The following TMC1 variants were observed in gnomAD, a reference collection of about 807,000 sequenced individuals.
The protein encoded by TMC1 is transmembrane channel-like protein 1.
Under a neutral mutation model 105.8 loss-of-function variants are expected in TMC1, and 84 were observed. The observed-to-expected ratio is 0.79, with a 90% CI of 0.67 to 0.95. TMC1 has a LOEUF of 0.95. TMC1 is among the 40% of genes least tolerant of loss of function. The pLI, the probability that TMC1 is intolerant of heterozygous loss-of-function variation, is 0.00. For synonymous variants in TMC1, 315 were observed against 311.5 expected (o/e 1.01, Z -0.12); for missense variants, 817 against 914.1 (o/e 0.89, Z 1.37).
At chr9:72,823,748 A>T (rs937548901) in intron 20 of TMC1, among the ~76,000 whole-genome samples, 40 of 152,188 alleles carry the variant, frequency 2.6e-4, no homozygotes, top group Non-Finnish European at 1.6e-4. Flanking sequence ...AATTCTGAAC[A>T]ATTTATAGTT....
At chr9:72,676,596 G>A (rs917517497) in intron 5 of TMC1, among the ~76,000 whole-genome samples, 1 of 152,118 alleles carries the variant, frequency 6.6e-6, no homozygotes, top group South Asian at 2.1e-4. Flanking sequence ...CTGTAGCAGA[G>A]CCAAAACTCA....
intron 5 of TMC1, 118 bp downstream of exon 5, chr9:72,648,782 C>A: frequency 1.1e-6 from 1 of 896,108 alleles, no homozygotes; most frequent in South Asian, 1.4e-5. Flanking sequence ...GGGGCTTTCC[C>A]TTTTTCATTT....
rs531867657 is a variant in TMC1 at position 72,598,040 on chromosome 9, G to T, written c.-305-18328G>T. 1.1e-4 allele frequency among the ~76,000 whole-genome samples: 17 copies of T among 151,136 alleles called. No individual in the cohort carries two copies. In the South Asian group the frequency reaches 3.1e-3, roughly 28 times the overall value. On this transcript the variant is annotated intron_variant, in intron 2 of 23. Transcript: ENST00000297784. ...TCTTCACTGCACATTTGATAACACA[G>T]ATGGGGGTTTATATCCTAGCAGAGC...
At chr9:72,627,571 A>G (rs915116833) in intron 3 of TMC1, among the ~76,000 whole-genome samples, 1 of 152,182 alleles carries the variant, frequency 6.6e-6, no homozygotes, top group Admixed American at 6.5e-5. Flanking sequence ...GGAGGCAAGC[A>G]TTATGACAAG....
chr9:72,535,075 G>A (rs1250064185), intron 1 of TMC1, among the ~76,000 whole-genome samples: 5 of 151,974 alleles, frequency 3.3e-5, no homozygotes, highest in Non-Finnish European at 1.5e-5. Flanking sequence ...AGCTAGTTGG[G>A]TGTGTTACAG....
chr9:72,663,855 C>T (rs1207562643), intron 5 of TMC1, among the ~76,000 whole-genome samples: 1 of 152,082 alleles, frequency 6.6e-6, no homozygotes, highest in Non-Finnish European at 1.5e-5. Context: ...TCTTTATATA[C>T]TTATTCTATA....
At chr9:72,748,209 CT>C (rs1237259325) in intron 10 of TMC1, among the ~76,000 whole-genome samples, 2 of 152,100 alleles carry the variant, frequency 1.3e-5, no homozygotes, top group Non-Finnish European at 2.9e-5. Flanking sequence ...GCCTGGCTTC[CT>C]TGTTTACTAG....
At chr9:72,599,498 A>G (rs1824771509) in intron 2 of TMC1, among the ~76,000 whole-genome samples, 1 of 152,220 alleles carries the variant, frequency 6.6e-6, no homozygotes, top group Non-Finnish European at 1.5e-5. Flanking sequence ...TTTCTAAGAA[A>G]AGGCCTGGGG....
intron 18 of TMC1, among the ~76,000 whole-genome samples, chr9:72,807,209 T>C (rs1014533847): frequency 6.6e-6 from 1 of 152,062 alleles, no homozygotes; most frequent in East Asian, 1.9e-4. Context: ...AGCAGTACAG[T>C]CCAGCTTCGG....
chr9:72,532,130 C>T (rs931407725), intron 1 of TMC1, among the ~76,000 whole-genome samples: 14 of 151,952 alleles, frequency 9.2e-5, no homozygotes, highest in African/African-American at 3.4e-4. Flanking sequence ...GGAGTTTCAC[C>T]ATGTTGGCCA....
intron 4 of TMC1, among the ~76,000 whole-genome samples, chr9:72,642,059 C>T (rs1403966906): frequency 2.0e-5 from 3 of 151,894 alleles, no homozygotes; most frequent in East Asian, 1.9e-4. Context: ...CCTCATGATC[C>T]GCCTGCCTTG....
At chr9:72,714,521 C>A (rs1265214485) in intron 8 of TMC1, among the ~76,000 whole-genome samples, 1 of 151,988 alleles carries the variant, frequency 6.6e-6, no homozygotes, top group Non-Finnish European at 1.5e-5. Flanking sequence ...TTATGTAATG[C>A]TCTTCTTTGT....
chr9:72,835,915 G>GTT (rs754537281), intron 23 of TMC1, 36 bp from the exon 24 acceptor site: 37,543 of 1,294,294 alleles, frequency 0.029, 352 homozygotes, highest in South Asian at 0.043. Context: ...CTCTCTCCTT[G>GTT]TTTTTTTTTT....
At chr9:72,752,542 G>C (rs189413942) in intron 11 of TMC1, among the ~76,000 whole-genome samples, 1 of 151,984 alleles carries the variant, frequency 6.6e-6, no homozygotes, top group Non-Finnish European at 1.5e-5. Context: ...AACACATAGA[G>C]GGTCCAAATC....
At chr9:72,636,586 C>T (rs2132139685) in intron 4 of TMC1, among the ~76,000 whole-genome samples, 1 of 151,240 alleles carries the variant, frequency 6.6e-6, no homozygotes, top group East Asian at 2.0e-4. Flanking sequence ...TGGGAGCCTG[C>T]AGTCTGAGCT....
intron 14 of TMC1, 103 bp from the exon 15 acceptor site, chr9:72,789,013 TCACATTC>T: frequency 9.2e-7 from 1 of 1,088,430 alleles, no homozygotes; most frequent in Admixed American, 2.0e-5. Context: ...TTGTCATTCC[TCACATTC>T]TGATGATTGT....
chr9:72,796,902 G>T (rs549598350), intron 17 of TMC1, among the ~76,000 whole-genome samples: 1 of 152,132 alleles, frequency 6.6e-6, no homozygotes, highest in African/African-American at 2.4e-5. Flanking sequence ...GAAATGAAGG[G>T]TATCAAAATA....
chr9:72,783,155 T>G (rs1828119442), intron 13 of TMC1, among the ~76,000 whole-genome samples: 2 of 151,144 alleles, frequency 1.3e-5, no homozygotes, highest in South Asian at 2.1e-4. Context: ...TAATAGGAGA[T>G]ATATATATAT....
chr9:72,806,495 T>C (rs201428556), intron 18 of TMC1, among the ~76,000 whole-genome samples: 7,859 of 127,272 alleles, frequency 0.062, 281 homozygotes, highest in African/African-American at 0.093. Flanking sequence ...AGGCTCCTCA[T>C]TTCTCAGACG....
Sources: allele counts gnomAD v4.1 joint callset (sites outside exome capture counted in the v4.1 genomes callset), GRCh38; gene constraint gnomAD v4.1.1; transcripts MANE v1.5; gene names NCBI Gene and HGNC (gene_info 2026-07-23, HGNC 2026-07-21).